The following PTPN20 variants were observed in gnomAD, a reference collection of about 807,000 sequenced individuals.
The protein encoded by PTPN20 is tyrosine-protein phosphatase non-receptor type 20.
Under a neutral mutation model 35.0 loss-of-function variants are expected in PTPN20, and 9 were observed. The observed-to-expected ratio is 0.26, with a 90% CI of 0.15 to 0.45. The LOEUF is 0.45. Ranked by LOEUF, PTPN20 falls within the 20% of genes least tolerant of loss-of-function variation. The pLI is 1.00. For synonymous variants in PTPN20, 32 were observed against 100.2 expected, an observed-to-expected ratio of 0.32 and a Z score of 4.06; for missense variants, 111 against 312.5, an observed-to-expected ratio of 0.36 and a Z score of 4.86.
intron 1 of PTPN20, among the ~76,000 whole-genome samples, chr10:46,923,621 T>C (rs2036143390): frequency 6.6e-6 from 1 of 151,636 alleles, no homozygotes; most frequent in African/African-American, 2.4e-5. Flanking sequence ...TGAAATCTTG[T>C]ATTATCTGTC....
At chr10:46,988,053 CA>C (rs1201804413) in intron 9 of PTPN20, among the ~76,000 whole-genome samples, 1 of 152,296 alleles carries the variant, frequency 6.6e-6, no homozygotes, top group Non-Finnish European at 1.5e-5. Flanking sequence ...TTCTCATTTG[CA>C]AAATAAACAT....
At chr10:46,968,324 CCTT>C (rs1387815763) in intron 7 of PTPN20, among the ~76,000 whole-genome samples, 1 of 141,460 alleles carries the variant, frequency 7.1e-6, no homozygotes, top group Non-Finnish European at 1.5e-5. Context: ...AGAGCATGAG[CCTT>C]CCAAAACATA....
At chr10:46,988,941 G>T in intron 9 of PTPN20, among the ~76,000 whole-genome samples, 1 of 141,410 alleles carries the variant, frequency 7.1e-6, no homozygotes, top group African/African-American at 2.6e-5. Flanking sequence ...ACTGATTTTT[G>T]TATGTCGACT....
chr10:46,981,538 C>T (rs1421964402), intron 7 of PTPN20: 1 of 142,504 alleles, frequency 7.0e-6, no homozygotes, highest in Non-Finnish European at 1.5e-5. Context: ...TTCCATAATG[C>T]ATGGAGCAGT....
At chr10:46,992,391 G>T (rs1192095192) in intron 9 of PTPN20, among the ~76,000 whole-genome samples, 1 of 152,046 alleles carries the variant, frequency 6.6e-6, no homozygotes, top group Non-Finnish European at 1.5e-5. Flanking sequence ...CCAAAGTGCT[G>T]GGATCATAGG....
At chr10:46,955,104 C>T (rs1372163406) in intron 5 of PTPN20, 7 of 150,512 alleles carry the variant, frequency 4.7e-5, no homozygotes, top group Non-Finnish European at 2.9e-5. Flanking sequence ...AGGACTTGAG[C>T]ATCTGAGGAT....
chr10:46,948,658 G>A (rs1368811390), intron 5 of PTPN20, among the ~76,000 whole-genome samples: 6 of 151,850 alleles, frequency 4.0e-5, no homozygotes, highest in Non-Finnish European at 8.8e-5. Flanking sequence ...TTCCTGTTTC[G>A]TCCTCAGCTT....
chr10:46,999,885 T>G, intron 9 of PTPN20, 27 bp from the exon 10 acceptor site: 2 of 1,613,304 alleles, frequency 1.2e-6, no homozygotes, highest in South Asian at 2.2e-5. Flanking sequence ...ATGTGGATCA[T>G]ACAAAATTAC....
At chr10:46,997,747 A>G (rs1415667079) in intron 9 of PTPN20, among the ~76,000 whole-genome samples, 2 of 152,194 alleles carry the variant, frequency 1.3e-5, no homozygotes, top group Non-Finnish European at 2.9e-5. Context: ...GAAATGGGTA[A>G]AAGACATGAA....
At chr10:46,998,477 G>A (rs889777056) in intron 9 of PTPN20, among the ~76,000 whole-genome samples, 5 of 152,150 alleles carry the variant, frequency 3.3e-5, no homozygotes, top group Middle Eastern at 3.2e-3. Context: ...ATTTTCCAAG[G>A]GTTAGAGATT....
intron 2 of PTPN20, among the ~76,000 whole-genome samples, chr10:46,937,658 T>A (rs2042083649): frequency 2.6e-5 from 4 of 151,650 alleles, no homozygotes; most frequent in Admixed American, 2.6e-4. Context: ...TCTAGAAATT[T>A]CAGTAGGTCT....
chr10:46,926,469 A>G (rs1258985078), intron 1 of PTPN20, among the ~76,000 whole-genome samples: 1 of 151,594 alleles, frequency 6.6e-6, no homozygotes, highest in African/African-American at 2.4e-5. Flanking sequence ...TTTTGCGGAG[A>G]TGGCTGCTCT....
At chr10:46,958,966 A>G (rs1372429880) in intron 5 of PTPN20, among the ~76,000 whole-genome samples, 3 of 149,894 alleles carry the variant, frequency 2.0e-5, no homozygotes, top group Non-Finnish European at 4.5e-5. Flanking sequence ...AAAATATTCC[A>G]TGTGTTCTTA....
chr10:46,979,952 C>T (rs1273508495), intron 7 of PTPN20, among the ~76,000 whole-genome samples: 2 of 150,970 alleles, frequency 1.3e-5, no homozygotes, highest in Non-Finnish European at 3.0e-5. Context: ...CTTTCCCTTC[C>T]ACAGGATATT....
chr10:46,940,591 T>C (rs1231518699), intron 2 of PTPN20, 32 bp from the exon 3 acceptor site: 1 of 1,563,596 alleles, frequency 6.4e-7, no homozygotes, highest in East Asian at 2.3e-5. Flanking sequence ...GTGTTTTCTA[T>C]TTGATCAGTT....
At chr10:46,993,644 CAAAG>C (rs1690323941) in intron 9 of PTPN20, among the ~76,000 whole-genome samples, 1 of 152,110 alleles carries the variant, frequency 6.6e-6, no homozygotes. Context: ...AGAATAGAAA[CAAAG>C]AAAAAATTTT....
chr10:46,995,833 A>G (rs35676715), intron 9 of PTPN20, among the ~76,000 whole-genome samples: 88,025 of 151,962 alleles, frequency 0.58, 26,908 homozygotes, highest in African/African-American at 0.79. Flanking sequence ...CAAATTGGAG[A>G]AATGGGCATT....
At chr10:46,936,748 G>A (rs2041785203) in intron 2 of PTPN20, among the ~76,000 whole-genome samples, 1 of 146,566 alleles carries the variant, frequency 6.8e-6, no homozygotes, top group African/African-American at 2.6e-5. Flanking sequence ...TTGGAACTAG[G>A]CATTCCCTGT....
chr10:46,995,998 A>C (rs1169362165), intron 9 of PTPN20, among the ~76,000 whole-genome samples: 3 of 152,234 alleles, frequency 2.0e-5, no homozygotes, highest in African/African-American at 7.2e-5. Flanking sequence ...CTTTGTAAAG[A>C]AGTGAAGCCA....
Sources: gnomAD v4.1 joint callset for allele counts (sites outside exome capture counted in the v4.1 genomes callset) on GRCh38, gnomAD v4.1.1 for gene constraint, MANE v1.5 for transcripts, NCBI Gene and HGNC (gene_info 2026-07-23, HGNC 2026-07-21) for gene names.